METTL21A: variants seen among roughly 807,000 people sequenced by gnomAD.
METTL21A encodes methyltransferase 21A, HSPA lysine, also known as protein N-lysine methyltransferase METTL21A.
METTL21A carries 22 observed loss-of-function variants against 20.9 expected under a neutral mutation model. The ratio of observed to expected loss-of-function variants is 1.05; its 90% CI spans 0.75 to 1.50. The LOEUF (loss-of-function observed/expected upper bound fraction) is 1.50, where lower values mean the gene tolerates loss of function less well. METTL21A is among the 40% of genes most tolerant of loss of function. The pLI is 0.00. For missense variants in METTL21A, 271 were observed against 266.8 expected, an observed-to-expected ratio of 1.02 and a Z score of -0.11; for synonymous variants, 93 against 102.0, an observed-to-expected ratio of 0.91 and a Z score of 0.53.
At chr2:207,594,100 T>C (rs982573376) in intron 3 of METTL21A, among the ~76,000 whole-genome samples, 1 of 152,206 alleles carries the variant, frequency 6.6e-6, no homozygotes, top group African/African-American at 2.4e-5. Flanking sequence ...AGTAATAAGA[T>C]TGTGGCCCTT....
intron 3 of METTL21A, among the ~76,000 whole-genome samples, chr2:207,591,845 C>T (rs927041190): frequency 2.0e-5 from 3 of 152,136 alleles, no homozygotes; most frequent in Non-Finnish European, 4.4e-5. Context: ...TCCTTTTTTA[C>T]TGAGCTACAT....
intron 3 of METTL21A, chr2:207,620,924 T>G: frequency 2.8e-6 from 1 of 362,000 alleles, no homozygotes; most frequent in Non-Finnish European, 5.0e-6. Flanking sequence ...TCCTGGATCC[T>G]TCCTACCCAA....
chr2:207,583,350 TC>T (rs1165862671), intron 3 of METTL21A, among the ~76,000 whole-genome samples: 7 of 152,188 alleles, frequency 4.6e-5, no homozygotes, highest in Non-Finnish European at 5.9e-5. Context: ...ATTTTAGACT[TC>T]TCTTTGCCTG....
At chr2:207,603,083 T>C (rs969652643) in intron 3 of METTL21A, 1 of 210,930 alleles carries the variant, frequency 4.7e-6, no homozygotes, top group African/African-American at 2.3e-5. Flanking sequence ...TCTATTGGAG[T>C]TGAATACTAA....
chr2:207,591,713 G>A (rs1373654012), intron 3 of METTL21A, among the ~76,000 whole-genome samples: 5 of 152,208 alleles, frequency 3.3e-5, no homozygotes, highest in Admixed American at 2.0e-4. Context: ...GATTACAGGC[G>A]TGAACCACCA....
exon 4 of METTL21A, chr2:207,582,155 C>T (rs1411857265): frequency 1.6e-5 from 11 of 702,784 alleles, no homozygotes; most frequent in African/African-American, 3.5e-5. Context: ...AATTAAATTC[C>T]ACCTCCTAAA....
At chr2:207,598,529 A>G in intron 3 of METTL21A, 1 of 178,704 alleles carries the variant, frequency 5.6e-6, no homozygotes, top group South Asian at 2.0e-4. Flanking sequence ...AAAAATTGGA[A>G]ACTGACATAA....
At chr2:207,596,625 G>T (rs1175666521) in intron 3 of METTL21A, among the ~76,000 whole-genome samples, 1 of 152,198 alleles carries the variant, frequency 6.6e-6, no homozygotes, top group Non-Finnish European at 1.5e-5. Flanking sequence ...GTAGAGAGGG[G>T]TTTCATCATG....
At chr2:207,618,945 A>G (rs1220470356) in intron 3 of METTL21A, among the ~76,000 whole-genome samples, 1 of 152,078 alleles carries the variant, frequency 6.6e-6, no homozygotes, top group Non-Finnish European at 1.5e-5. Flanking sequence ...TTCTAAGCAC[A>G]ATCCATTAGC....
At chr2:207,583,138 G>A (rs2083238093) in intron 3 of METTL21A, among the ~76,000 whole-genome samples, 2 of 152,084 alleles carry the variant, frequency 1.3e-5, no homozygotes, top group Admixed American at 6.5e-5. Context: ...GTAATCTAGA[G>A]GTGATTTTAA....
intron 2 of METTL21A, 127 bp from the exon 3 acceptor site, chr2:207,622,044 A>G (rs573730095): frequency 3.4e-5 from 26 of 765,694 alleles, no homozygotes; most frequent in Middle Eastern, 7.3e-4. Flanking sequence ...CAACACACAC[A>G]GGAACTTAGC....
chr2:207,582,610 G>A (rs2083114878), intron 3 of METTL21A, among the ~76,000 whole-genome samples: 1 of 152,042 alleles, frequency 6.6e-6, no homozygotes, highest in African/African-American at 2.4e-5. Context: ...GAGACTACAA[G>A]ATTGTCCAGG....
chr2:207,621,046 T>C (rs953782551), intron 3 of METTL21A, among the ~76,000 whole-genome samples: 3 of 152,180 alleles, frequency 2.0e-5, no homozygotes, highest in Admixed American at 6.5e-5. Context: ...ATCTGCATTT[T>C]AACAAGAGCA....
intron 3 of METTL21A, among the ~76,000 whole-genome samples, chr2:207,620,453 T>TAAATAAAATAAAATAAAATAAAATA (rs58925319): frequency 7.8e-4 from 115 of 146,860 alleles, no homozygotes; most frequent in African/African-American, 2.6e-3. Flanking sequence ...AAAAAATAAA[T>TAAATAAAATAAAATAAAATAAAATA]AAATAAAATA....
At chr2:207,608,881 C>A (rs984812089), downstream of METTL21A, among the ~76,000 whole-genome samples, 1 of 152,216 alleles carries the variant, frequency 6.6e-6, no homozygotes, top group Non-Finnish European at 1.5e-5. Context: ...GAGCTGAGAT[C>A]GTGCCCCGCA....
At position 207,601,587 on chromosome 2, in the gene METTL21A, CACA is replaced by C. The variant is rs547979694; in HGVS notation, c.260-19430_260-19428del. ...ATTTTTAATGAGACTTTATCCTCAT[CACA>C]ACATTAATACTGTACATAGTATGCC... On this transcript the variant is annotated intron_variant, in intron 3 of 3. Coordinates refer to the METTL21A transcript ENST00000425132. The C allele has an allele frequency of 3.2e-3, 656 of 206,314 alleles. 1 individual carries two copies. The highest frequency in any genetic ancestry group is 6.0e-3 in the African/African-American group (262 of 43,980). The allele number at this position is 206,314 out of a possible 1,614,324, so 12.8% of individuals were successfully genotyped here. A position where few individuals can be genotyped will look rare whatever the true frequency, so the allele number is the denominator to read the frequency against.
intron 3 of METTL21A, chr2:207,597,282 A>G: frequency 2.2e-6 from 1 of 449,232 alleles, no homozygotes; most frequent in Non-Finnish European, 3.8e-6. Context: ...AACGCCAGGA[A>G]TCATGAAGAG....
At chr2:207,621,310 GAAGT>G (rs1338981305) in intron 3 of METTL21A, among the ~76,000 whole-genome samples, 1 of 152,158 alleles carries the variant, frequency 6.6e-6, no homozygotes, top group Non-Finnish European at 1.5e-5. Flanking sequence ...TTAAAAATAA[GAAGT>G]CAGTACAAAC....
At chr2:207,598,824 G>A (rs1162701567) in intron 3 of METTL21A, 4 of 168,728 alleles carry the variant, frequency 2.4e-5, no homozygotes, top group African/African-American at 9.8e-5. Flanking sequence ...CTCCAGCCTG[G>A]GCGACTCCAT....
Sources: gnomAD v4.1 joint callset for allele counts (sites outside exome capture counted in the v4.1 genomes callset) on GRCh38, gnomAD v4.1.1 for gene constraint, MANE v1.5 for transcripts, NCBI Gene and HGNC (gene_info 2026-07-23, HGNC 2026-07-21) for gene names.